The following NDUFV1 variants were observed in gnomAD, a reference collection of about 807,000 sequenced individuals.
NDUFV1 encodes the protein NADH:ubiquinone oxidoreductase core subunit V1, also known as NADH dehydrogenase [ubiquinone] flavoprotein 1, mitochondrial.
A neutral mutation model predicts 48.7 loss-of-function variants in NDUFV1; 41 were observed. That is an observed-to-expected ratio of 0.84 (90% CI 0.66 to 1.09). NDUFV1 has a LOEUF of 1.09. NDUFV1 is among the 50% of genes least tolerant of loss of function. The probability of loss-of-function intolerance (pLI) is 0.00; values close to 1 mark genes in which losing one functional copy is unlikely to be tolerated. For missense variants in NDUFV1, 580 were observed against 645.4 expected (o/e 0.90, Z 1.10); for synonymous variants, 231 against 259.1 (o/e 0.89, Z 1.04).
chr11:67,610,722 G>A, intron 5 of NDUFV1, 152 bp downstream of exon 5: 1 of 1,110,858 alleles, frequency 9.0e-7, no homozygotes, highest in Non-Finnish European at 1.3e-6. Flanking sequence ...GGCTCCCCCA[G>A]GGCCGCCTGC....
At chr11:67,609,828 C>T in intron 4 of NDUFV1, 193 bp downstream of exon 4, 2 of 563,230 alleles carry the variant, frequency 3.6e-6, no homozygotes, top group Non-Finnish European at 6.0e-6. Context: ...CCTAATGCTG[C>T]TGGTGTAAAT....
chr11:67,607,855 C>T (rs929127890), intron 1 of NDUFV1, among the ~76,000 whole-genome samples: 2 of 152,190 alleles, frequency 1.3e-5, no homozygotes, highest in African/African-American at 4.8e-5. Context: ...CAGAGAAAAT[C>T]GTTCCTATCA....
intron 1 of NDUFV1, 184 bp downstream of exon 1, chr11:67,607,260 C>G: frequency 2.7e-6 from 2 of 744,148 alleles, no homozygotes; most frequent in South Asian, 1.5e-5. Context: ...GGGCCGACTC[C>G]CTTGACCCTC....
chr11:67,610,090 A>G, intron 4 of NDUFV1: 1 of 450,306 alleles, frequency 2.2e-6, no homozygotes, highest in Middle Eastern at 6.0e-4. Context: ...TAATTTTATA[A>G]GGACTTTTAT....
chr11:67,609,872 T>A (rs534248309), intron 4 of NDUFV1: 3 of 500,048 alleles, frequency 6.0e-6, no homozygotes, highest in African/African-American at 1.9e-5. Context: ...TAGTATTTTT[T>A]ATAAAACAAG....
In NDUFV1 at chr11:67,606,999, G is replaced by T. The variant is rs1200908219; in HGVS notation, c.-6G>T. ...CAGCGTGAGGTGACCCATCTGGCCC[G>T]CCGCGATGCTGGCAACACGGCGGCT... On this transcript the variant is annotated 5_prime_UTR_variant, in exon 1 of 10. Transcript: ENST00000322776. The T allele has an allele frequency of 6.2e-7, 1 of 1,609,832 alleles. No homozygotes were observed. Among genetic ancestry groups the T allele is most frequent in the Non-Finnish European group, 8.5e-7 (1 of 1,178,704 alleles).
chr11:67,611,064 G>C lies in NDUFV1; in HGVS notation c.770G>C (p.Arg257Pro), dbSNP rs371938193. ...TVAVSPTICR[R>P]GGTWFAGFGR... The stretch of plus-strand genomic sequence containing the variant: ...GCAGTGTCCCCCACAATCTGCCGCC[G>C]TGGAGGTACCTGGTTTGCTGGCTTT... The change falls in exon 6 of 10, where the codon CGT becomes CCT. Residue 257 changes from arginine to proline, a missense_variant. Transcript: ENST00000322776. This position sits in a 1 kb window ranked among gnomAD's most constrained non-coding sequence, Gnocchi z 4.2. 6.2e-7 allele frequency: 1 copy of C among 1,614,236 alleles called. No individual in the cohort carries two copies. The highest frequency in any genetic ancestry group is 8.5e-7 in the Non-Finnish European group (1 of 1,180,044).
At chr11:67,610,105 C>A (rs559962684) in intron 4 of NDUFV1, 4 of 476,468 alleles carry the variant, frequency 8.4e-6, no homozygotes, top group Admixed American at 3.6e-5. Flanking sequence ...TTTTATTTTT[C>A]CTTTACAGAC....
chr11:67,609,520 G>A lies in NDUFV1; in HGVS notation c.395G>A (p.Arg132His), dbSNP rs531613905. Residue 132 changes from arginine (R) to histidine (H), a missense_variant, in exon 4 of 10, where the codon CGC becomes CAC. By Grantham distance (29) the Arg-to-His change is conservative (BLOSUM62 0). Transcript: ENST00000322776. Reference sequence around the variant, plus strand: ...ACCTGCAAGGACCGGGAGATCTTACGCCATGATCCTCACAAGCTGCTGGAA... The same window carrying A: ...ACCTGCAAGGACCGGGAGATCTTACACCATGATCCTCACAAGCTGCTGGAA... Reference protein sequence around the residue: ...PGTCKDREILRHDPHKLLEGC... With the variant: ...PGTCKDREILHHDPHKLLEGC... 8 of 1,613,440 alleles carry A rather than the reference G, an allele frequency of 5.0e-6. No homozygotes were observed. The highest frequency in any genetic ancestry group is 2.7e-5 in the African/African-American group (2 of 75,020).
chr11:67,611,847 CA>C lies in NDUFV1; in HGVS notation c.1081-49del. On this transcript the variant is annotated intron_variant, in intron 7 of 9. Coordinates refer to ENST00000322776, the MANE Select transcript of NDUFV1 (RefSeq NM_007103.4). The surrounding 1 kb of genome is among the most constrained non-coding windows in gnomAD (Gnocchi z 4.2). Reference sequence around the variant, plus strand: ...GGGCTGCTGCTAGGGGGCTGAGGCCCAGGCTTCTGTCTGGCCGTGGGTGCCT... The same window carrying C: ...GGGCTGCTGCTAGGGGGCTGAGGCCCGGCTTCTGTCTGGCCGTGGGTGCCT... The C allele has an allele frequency of 6.2e-7, 1 of 1,603,360 alleles. No homozygotes were observed. Among genetic ancestry groups the C allele is most frequent in the Non-Finnish European group, 8.5e-7 (1 of 1,170,674 alleles).
At position 67,612,431 on chromosome 11, in the gene NDUFV1, G is replaced by A. The variant is rs368414286; in HGVS notation, c.1368G>A (p.Gln456=). 9 of 1,612,308 alleles carry A rather than the reference G, an allele frequency of 5.6e-6. No homozygotes were observed. Among genetic ancestry groups the A allele is most frequent in the Non-Finnish European group, 7.6e-6 (9 of 1,179,942 alleles). ...AGCGGATGCAGCGGTTTGCCCAGCA[G>A]CATCAGGCCCGGCAGGCTGCCTCTT... is the stretch of plus-strand genomic sequence containing the variant. The part of the protein sequence containing the change: ...LEERMQRFAQ[Q]HQARQAAS The change falls in exon 10 of 10, where the codon CAG becomes CAA. Residue 456 remains glutamine, a synonymous_variant. Coordinates refer to ENST00000322776, the MANE Select transcript of NDUFV1 (RefSeq NM_007103.4). The surrounding 1 kb of genome is among the most constrained non-coding windows in gnomAD (Gnocchi z 4.4).
Position 67,611,168 on chromosome 11 carries a change from A to G in NDUFV1, c.874A>G (p.Met292Val). 6.2e-7 allele frequency: 1 copy of G among 1,614,060 alleles called. No homozygotes were observed. Among genetic ancestry groups the G allele is most frequent in the Non-Finnish European group, 8.5e-7 (1 of 1,179,998 alleles). ...VNHPCTVEEE[M>V]SVPLKELIEK... is the part of the protein sequence containing the mutation. The stretch of plus-strand genomic sequence containing the variant: ...CCACCCTTGCACTGTGGAGGAGGAG[A>G]TGTCTGTGCCCTTGAAAGAACTGAT... The change falls in exon 6 of 10, where the codon ATG becomes GTG. Residue 292 changes from methionine to valine, a missense_variant. Transcript: ENST00000322776. The surrounding 1 kb of genome is among the most constrained non-coding windows in gnomAD (Gnocchi z 4.2).
intron 4 of NDUFV1, 52 bp from the exon 5 acceptor site, chr11:67,610,329 G>C: frequency 6.2e-7 from 1 of 1,606,162 alleles, no homozygotes; most frequent in Non-Finnish European, 8.5e-7. Flanking sequence ...GAAGTTATAG[G>C]CTGACTCCTG....
chr11:67,609,551 C>T lies in NDUFV1; in HGVS notation c.426C>T (p.Cys142=). 1.2e-6 allele frequency: 2 copies of T among 1,613,284 alleles called. No homozygotes were observed. The highest frequency in any genetic ancestry group is 8.5e-7 in the Non-Finnish European group (1 of 1,180,018). ...RHDPHKLLEG[C]LVGGRAMGAR... is the part of the protein sequence containing the mutation. ...ATCCTCACAAGCTGCTGGAAGGCTG[C>T]CTGGTGGGGGGCCGGGCCATGGGCG... is the stretch of plus-strand genomic sequence containing the variant. The change falls in exon 4 of 10, where the codon TGC becomes TGT. Residue 142 remains cysteine (C), a synonymous_variant. Transcript: ENST00000322776.
At chr11:67,610,809 C>G (rs1854899669) in intron 5 of NDUFV1, 186 bp from the exon 6 acceptor site, 2 of 775,722 alleles carry the variant, frequency 2.6e-6, no homozygotes, top group Admixed American at 2.2e-5. Flanking sequence ...TGTTCTGAGG[C>G]TAAGGGCATG....
At chr11:67,609,892 G>A (rs537343834) in intron 4 of NDUFV1, 1 of 466,174 alleles carries the variant, frequency 2.1e-6, no homozygotes. Context: ...GTAGCAAGAA[G>A]AAAAAACCTA....
chr11:67,611,595 TC>T lies in NDUFV1; in HGVS notation c.1080+29del. 6.3e-7 allele frequency: 1 copy of T among 1,589,084 alleles called. No individual in the cohort carries two copies. The highest frequency in any genetic ancestry group is 1.1e-5 in the South Asian group (1 of 87,964). ...GTAAGGGTTCACACACCAGCCCTGG[TC>T]CCTGCCCTCCTGGTTGCTGTCTCCC... On this transcript the variant is annotated intron_variant, in intron 7 of 9. Coordinates refer to ENST00000322776, the MANE Select transcript of NDUFV1 (RefSeq NM_007103.4). The surrounding 1 kb of genome is among the most constrained non-coding windows in gnomAD (Gnocchi z 4.2).
rs200365831 is a variant in NDUFV1, at chr11:67,609,465, G to T, written c.340G>T (p.Val114Leu). Residue 114 changes from valine to leucine, a missense_variant, in exon 4 of 10, where the codon GTG becomes TTG. By Grantham distance (32) the Val-to-Leu change is conservative. Coordinates refer to ENST00000322776, the MANE Select transcript of NDUFV1 (RefSeq NM_007103.4). ...KPSDGRPKYL[V>L]VNADEGEPGT... is the part of the protein sequence containing the mutation. ...GGGCCCCTGCAGGCCCAAGTATCTG[G>T]TGGTGAACGCAGACGAGGGGGAGCC... The T allele has an allele frequency of 1.2e-6, 2 of 1,613,656 alleles. No homozygotes were observed. Among genetic ancestry groups the T allele is most frequent in the African/African-American group, 2.7e-5 (2 of 75,052 alleles).
rs769475995 is a variant in NDUFV1 at position 67,611,103 on chromosome 11, A to C, written c.809A>C (p.Asn270Thr). 3 of 1,614,214 alleles carry C rather than the reference A, an allele frequency of 1.9e-6. No homozygotes were observed. Among genetic ancestry groups the C allele is most frequent in the Non-Finnish European group, 2.5e-6 (3 of 1,180,042 alleles). The change falls in exon 6 of 10, where the codon AAC (asparagine) becomes ACC (threonine). Residue 270 changes from asparagine (N) to threonine (T), a missense_variant. Coordinates refer to ENST00000322776, the MANE Select transcript of NDUFV1 (RefSeq NM_007103.4). This position sits in a 1 kb window ranked among gnomAD's most constrained non-coding sequence, Gnocchi z 4.2. ...TTTGCTGGCTTTGGCAGAGAACGCA[A>C]CTCAGGCACCAAACTATTCAACATC... ...TWFAGFGRER[N>T]SGTKLFNISG...
Sources: allele counts gnomAD v4.1 joint callset (sites outside exome capture counted in the v4.1 genomes callset), GRCh38; gene constraint gnomAD v4.1.1; non-coding constraint Gnocchi (gnomAD v3.1); transcripts MANE v1.5; gene names NCBI Gene and HGNC (gene_info 2026-07-23, HGNC 2026-07-21).